The following HACL1 variants were observed in gnomAD, a reference collection of about 807,000 sequenced individuals.
The protein encoded by HACL1 is 2-hydroxyacyl-CoA lyase 1, also known as 1600020H07Rik.
In HACL1, 64 loss-of-function variants were observed where a neutral mutation model predicts 74.2. The ratio of observed to expected loss-of-function variants is 0.86; its 90% CI spans 0.70 to 1.06. HACL1 has a LOEUF of 1.06. HACL1 is among the 50% of genes least tolerant of loss of function. HACL1 has a pLI of 0.00. For synonymous variants in HACL1, 230 were observed against 238.8 expected, an observed-to-expected ratio of 0.96 and a Z score of 0.34; for missense variants, 728 against 719.7, an observed-to-expected ratio of 1.01 and a Z score of -0.13.
chr3:15,572,261 G>A (rs2063549037), intron 11 of HACL1, among the ~76,000 whole-genome samples: 1 of 152,140 alleles, frequency 6.6e-6, no homozygotes, highest in South Asian at 2.1e-4. Flanking sequence ...GTAAACACCT[G>A]ATAGAATCAA....
chr3:15,570,195 C>T lies in HACL1; in HGVS notation c.1095+1473G>A, dbSNP rs570846754. ...ACCAAAAATACAAAAATTAGCTGGGCGTGGTGGCACACGTCTGTAGTCCCA... is the reference window on the plus strand; with the variant it reads ...ACCAAAAATACAAAAATTAGCTGGGTGTGGTGGCACACGTCTGTAGTCCCA... On this transcript the variant is annotated intron_variant, in intron 12 of 16. Transcript: ENST00000321169. Among the ~76,000 whole-genome samples, 8 of 151,802 alleles carry T rather than the reference C, an allele frequency of 5.3e-5. No homozygotes were observed. In the East Asian group the frequency reaches 1.6e-3, roughly 30 times the overall value.
chr3:15,585,426 A>G, intron 6 of HACL1, 84 bp from the exon 7 acceptor site: 1 of 785,442 alleles, frequency 1.3e-6, no homozygotes, highest in South Asian at 1.6e-5. Context: ...AAACTGGAAA[A>G]TGAACACTTT....
At chr3:15,577,358 C>T (rs912377816) in intron 9 of HACL1, among the ~76,000 whole-genome samples, 1 of 151,732 alleles carries the variant, frequency 6.6e-6, no homozygotes, top group African/African-American at 2.4e-5. Context: ...TTAATTTTAA[C>T]CCATGAATGA....
Position 15,591,621 on chromosome 3 carries a change from G to A in HACL1, c.287C>T (p.Ala96Val), listed in dbSNP as rs930388107. The A allele has an allele frequency of 6.2e-7, 1 of 1,605,818 alleles. No homozygotes were observed. The highest frequency in any genetic ancestry group is 2.2e-5 in the East Asian group (1 of 44,788). The change falls in exon 4 of 17, where the codon GCA (alanine) becomes GTA (valine). Residue 96 changes from alanine to valine, a missense_variant. Physicochemically the swap from Ala to Val is moderately conservative, Grantham distance 64 (BLOSUM62 0). Transcript: ENST00000321169. Reference protein sequence around the residue: ...PGLIHALGGMANANMNCWPLL... With the variant: ...PGLIHALGGMVNANMNCWPLL... ...TTACCAGCAGTTCATGTTTGCATTTGCCATACCGCCCAAGGCATGGATGAG... is the reference window on the plus strand; with the variant it reads ...TTACCAGCAGTTCATGTTTGCATTTACCATACCGCCCAAGGCATGGATGAG...
intron 3 of HACL1, 59 bp from the exon 4 acceptor site, chr3:15,591,739 C>A (rs2063899308): frequency 9.1e-7 from 1 of 1,099,412 alleles, no homozygotes; most frequent in Non-Finnish European, 1.4e-6. Flanking sequence ...ATTCATAACA[C>A]TTTAGTGTGA....
In HACL1 at chr3:15,563,449, A is replaced by C; in HGVS notation, c.1613T>G (p.Leu538Arg). ...TAGGCTCTGCCTCAGGGATTTTTGG[A>C]GTTCTTCTGGTGTTTGTACAAAATA... is the stretch of plus-strand genomic sequence containing the variant. ...KGYFVQTPEE[L>R]QKSLRQSLAD... The change falls in exon 16 of 17, where the codon CTC becomes CGC. Residue 538 changes from leucine to arginine, a missense_variant. Transcript: ENST00000321169. 1.9e-6 allele frequency: 3 copies of C among 1,611,264 alleles called. No individual in the cohort carries two copies. The highest frequency in any genetic ancestry group is 2.5e-6 in the Non-Finnish European group (3 of 1,177,464).
At chr3:15,599,741 C>G (rs1241574317) in intron 2 of HACL1, among the ~76,000 whole-genome samples, 1 of 152,170 alleles carries the variant, frequency 6.6e-6, no homozygotes. Context: ...AAGTCTTACC[C>G]TCACCTTCCA....
intron 9 of HACL1, among the ~76,000 whole-genome samples, chr3:15,577,274 T>C (rs2125249286): frequency 6.6e-6 from 1 of 151,784 alleles, no homozygotes. Context: ...CACTTGAGCC[T>C]AGGGGTCTGA....
chr3:15,583,565 C>T (rs1431490322), intron 7 of HACL1, among the ~76,000 whole-genome samples: 2 of 152,024 alleles, frequency 1.3e-5, no homozygotes, highest in African/African-American at 2.4e-5. Flanking sequence ...CCAGATGGCA[C>T]GTGGCAGAGA....
rs112501938 is a variant in HACL1, at chr3:15,571,784, A to AACAC, written c.994-19_994-16dup. 85 of 899,670 alleles carry AACAC rather than the reference A, an allele frequency of 9.4e-5. No individual in the cohort carries two copies. The East Asian group carries it at 9.9e-4, about 11-fold the overall frequency. The allele number at this position is 899,670 out of a possible 1,614,324, so 55.7% of individuals were successfully genotyped here. A position where few individuals can be genotyped will look rare whatever the true frequency, so the allele number is the denominator to read the frequency against. On this transcript the variant is annotated splice_polypyrimidine_tract_variant and intron_variant, in intron 11 of 16. Coordinates refer to ENST00000321169, the MANE Select transcript of HACL1 (RefSeq NM_012260.4). ...TCCTCTAAAAGCTTAAAAAAAAAAA[A>AACAC]ACACACACACACAAACACATAAACT...
chr3:15,568,030 C>T (rs373672891), intron 13 of HACL1, 28 bp from the exon 14 acceptor site: 19 of 1,607,762 alleles, frequency 1.2e-5, no homozygotes, highest in African/African-American at 8.0e-5. Context: ...TAAAATGAAA[C>T]CCTCTGGGGC....
chr3:15,594,353 C>T (rs1230041870), intron 3 of HACL1, among the ~76,000 whole-genome samples: 3 of 152,088 alleles, frequency 2.0e-5, no homozygotes, highest in Admixed American at 6.6e-5. Flanking sequence ...TTGCAGTGAG[C>T]CGAGATGGTG....
chr3:15,583,014 TA>T (rs760578788), intron 7 of HACL1, 25 bp from the exon 8 acceptor site: 6 of 1,067,718 alleles, frequency 5.6e-6, no homozygotes, highest in Non-Finnish European at 8.6e-6. Context: ...CCCTATTAAT[TA>T]AAAGAGGCCA....
intron 1 of HACL1, 54 bp from the exon 2 acceptor site, chr3:15,601,248 A>G: frequency 6.5e-7 from 1 of 1,538,490 alleles, no homozygotes; most frequent in Non-Finnish European, 9.0e-7. Flanking sequence ...ATATCGCCAC[A>G]TCCTTCCCTC....
intron 5 of HACL1, among the ~76,000 whole-genome samples, chr3:15,588,651 A>G (rs1341931304): frequency 6.6e-6 from 1 of 152,208 alleles, no homozygotes; most frequent in Non-Finnish European, 1.5e-5. Context: ...TATGTTGTAC[A>G]GACATATGTT....
At chr3:15,594,584 A>G (rs1223668445) in intron 3 of HACL1, among the ~76,000 whole-genome samples, 2 of 152,214 alleles carry the variant, frequency 1.3e-5, no homozygotes, top group Non-Finnish European at 2.9e-5. Context: ...AGTAAACTAA[A>G]CTTCTAGAAC....
At chr3:15,569,353 G>A (rs948077972) in intron 12 of HACL1, among the ~76,000 whole-genome samples, 3 of 152,184 alleles carry the variant, frequency 2.0e-5, no homozygotes, top group Admixed American at 1.3e-4. Flanking sequence ...GTTCCTATGC[G>A]AAAGAAAAGA....
chr3:15,569,099 T>G (rs2063480813), intron 12 of HACL1, among the ~76,000 whole-genome samples: 1 of 152,154 alleles, frequency 6.6e-6, no homozygotes, highest in African/African-American at 2.4e-5. Context: ...CCCCCACTAT[T>G]CTAAAGAGTC....
At chr3:15,591,264 G>A (rs1445507896) in intron 4 of HACL1, among the ~76,000 whole-genome samples, 1 of 151,888 alleles carries the variant, frequency 6.6e-6, no homozygotes, top group Non-Finnish European at 1.5e-5. Flanking sequence ...CTAAGATATT[G>A]TAGAAATAGT....
Sources: allele counts gnomAD v4.1 joint callset (sites outside exome capture counted in the v4.1 genomes callset), GRCh38; gene constraint gnomAD v4.1.1; transcripts MANE v1.5; gene names NCBI Gene and HGNC (gene_info 2026-07-23, HGNC 2026-07-21).